The following CCZ1 variants were observed in gnomAD, a reference collection of about 807,000 sequenced individuals.
The protein encoded by CCZ1 is vacuolar fusion protein CCZ1 homolog.
In CCZ1, 19 loss-of-function variants were observed where a neutral mutation model predicts 57.8. The observed-to-expected ratio is 0.33, with a 90% CI of 0.23 to 0.48. The LOEUF is 0.48. CCZ1 is among the 20% of genes least tolerant of loss of function. The pLI, the probability that CCZ1 is intolerant of heterozygous loss-of-function variation, is 0.99. For synonymous variants in CCZ1, 81 were observed against 167.0 expected, an observed-to-expected ratio of 0.49 and a Z score of 3.97; for missense variants, 200 against 492.0, an observed-to-expected ratio of 0.41 and a Z score of 5.61.
At chr7:5,911,302 C>T (rs1781973107) in intron 8 of CCZ1, among the ~76,000 whole-genome samples, 1 of 148,856 alleles carries the variant, frequency 6.7e-6, no homozygotes, top group Admixed American at 6.6e-5. Context: ...ACTCTCTTCG[C>T]TTGTTCGTTC....
intron 8 of CCZ1, 139 bp downstream of exon 8, chr7:5,910,255 A>AT (rs1781939076): frequency 1.4e-6 from 1 of 738,758 alleles, no homozygotes; most frequent in Admixed American, 2.7e-5. Context: ...GTGTCACTGT[A>AT]TATCAATTAG....
At chr7:5,920,246 C>A (rs1361852501) in intron 12 of CCZ1, among the ~76,000 whole-genome samples, 1 of 119,994 alleles carries the variant, frequency 8.3e-6, no homozygotes, top group African/African-American at 3.2e-5. Flanking sequence ...CAGATTGTTA[C>A]GTTCACTTGG....
chr7:5,906,333 T>TC (rs1017575587), intron 7 of CCZ1, among the ~76,000 whole-genome samples: 8 of 144,864 alleles, frequency 5.5e-5, no homozygotes, highest in African/African-American at 2.1e-4. Context: ...CTTTTTTTTT[T>TC]TTTTTTTTGA....
At position 5,900,861 on chromosome 7, in the gene CCZ1, C is replaced by T. The variant is rs765142641; in HGVS notation, c.319C>T (p.Arg107Trp). The change falls in exon 4 of 15, where the codon CGG becomes TGG. Residue 107 changes from arginine to tryptophan, a missense_variant. Physicochemically the swap from Arg to Trp is moderately radical, Grantham distance 101. Coordinates refer to ENST00000325974, the MANE Select transcript of CCZ1 (RefSeq NM_015622.6). ...AGTTTATCAAACTTTGTAGGTTGTTCGGAATCCTATAATTGAAAAACAGAG... is the reference window on the plus strand; with the variant it reads ...AGTTTATCAAACTTTGTAGGTTGTTTGGAATCCTATAATTGAAAAACAGAG... ...EENFWMVMVV[R>W]NPIIEKQSKD... 17 of 1,387,754 alleles carry T rather than the reference C, an allele frequency of 1.2e-5. No homozygotes were observed. Among genetic ancestry groups the T allele is most frequent in the East Asian group, 2.4e-5 (1 of 40,832 alleles). 86.0% of individuals were successfully genotyped at this position (1,387,754 alleles called of 1,614,324 possible).
chr7:5,904,827 T>A (rs1183622134), intron 6 of CCZ1, among the ~76,000 whole-genome samples: 1 of 147,916 alleles, frequency 6.8e-6, no homozygotes, highest in Non-Finnish European at 1.5e-5. Context: ...CAAGACTCTG[T>A]CACAAAAAAA....
intron 7 of CCZ1, among the ~76,000 whole-genome samples, chr7:5,906,588 G>T (rs1251419141): frequency 6.7e-6 from 1 of 148,662 alleles, no homozygotes; most frequent in Admixed American, 6.7e-5. Context: ...CTCCCAAGGT[G>T]CCTCGATTAC....
chr7:5,903,399 A>G lies in CCZ1; in HGVS notation c.522+655A>G, dbSNP rs200811784. On this transcript the variant is annotated intron_variant, in intron 6 of 14. Transcript: ENST00000325974. ...CTCCCAAAGTGCTGGGGTTAAAGGCATGAGCCAACTCGCCCAGCCTAGTTT... is the reference window on the plus strand; with the variant it reads ...CTCCCAAAGTGCTGGGGTTAAAGGCGTGAGCCAACTCGCCCAGCCTAGTTT... 5.9e-4 allele frequency among the ~76,000 whole-genome samples: 86 copies of G among 146,044 alleles called. 6 individuals carry two copies. The highest frequency in any genetic ancestry group is 9.3e-4 in the South Asian group (4 of 4,282).
chr7:5,909,736 T>C (rs1781924168), intron 7 of CCZ1, among the ~76,000 whole-genome samples: 1 of 145,234 alleles, frequency 6.9e-6, no homozygotes, highest in Non-Finnish European at 1.5e-5. Context: ...TAATAAAAAA[T>C]GAGTTTTATC....
intron 7 of CCZ1, among the ~76,000 whole-genome samples, chr7:5,908,852 T>C (rs1485741612): frequency 6.8e-6 from 1 of 147,088 alleles, no homozygotes; most frequent in Non-Finnish European, 1.5e-5. Context: ...CCTGAAAGCT[T>C]GTTTTTCTCC....
rs1430697522 is a variant in CCZ1, at chr7:5,914,883, A to AG, written c.954+1929_954+1930insG. Among the ~76,000 whole-genome samples the AG allele has an allele frequency of 1.6e-5, 2 of 126,016 alleles. 1 individual carries two copies. The highest frequency in any genetic ancestry group is 6.1e-5 in the African/African-American group (2 of 32,578). 82.7% of individuals were successfully genotyped at this position (126,016 alleles called of 152,430 possible). A position where few individuals can be genotyped will look rare whatever the true frequency, so the allele number is the denominator to read the frequency against. On this transcript the variant is annotated intron_variant, in intron 10 of 14. Coordinates refer to ENST00000325974, the MANE Select transcript of CCZ1 (RefSeq NM_015622.6). ...AGAGCAAGACTCTGTCTCAGAAAGA[A>AG]AAAAAAAACACGTTCAACATGAAAA... is the stretch of plus-strand genomic sequence containing the variant.
At chr7:5,903,097 AT>A (rs1275973192) in intron 6 of CCZ1, among the ~76,000 whole-genome samples, 1 of 148,720 alleles carries the variant, frequency 6.7e-6, no homozygotes, top group Non-Finnish European at 1.5e-5. Context: ...AAACTTAATT[AT>A]TGGAGTTGCA....
At chr7:5,912,518 G>A (rs1779060930) in intron 9 of CCZ1, among the ~76,000 whole-genome samples, 2 of 143,630 alleles carry the variant, frequency 1.4e-5, no homozygotes, top group Non-Finnish European at 3.0e-5. Flanking sequence ...CCCTGCCTCA[G>A]CCTCTTGAGT....
At chr7:5,904,088 ATTTTTT>A (rs746657675) in intron 6 of CCZ1, among the ~76,000 whole-genome samples, 1 of 84,478 alleles carries the variant, frequency 1.2e-5, no homozygotes, top group Non-Finnish European at 2.1e-5. Context: ...CAGGGAGTTA[ATTTTTT>A]TTTTTTTTTT....
At chr7:5,916,678 G>A (rs117062389) in intron 10 of CCZ1, among the ~76,000 whole-genome samples, 7,114 of 147,464 alleles carry the variant, frequency 0.048, 217 homozygotes, top group East Asian at 0.25. Context: ...CCTGAGCCTC[G>A]AGATCCAGAG....
At chr7:5,906,567 C>A (rs553733197) in intron 7 of CCZ1, among the ~76,000 whole-genome samples, 1 of 148,746 alleles carries the variant, frequency 6.7e-6, no homozygotes, top group Admixed American at 6.6e-5. Flanking sequence ...AGGTGATTCC[C>A]CTGCATAGGC....
chr7:5,921,181 G>A lies in CCZ1; in HGVS notation c.1106+1215G>A, dbSNP rs1453114542. Among the ~76,000 whole-genome samples, 10 of 130,844 alleles carry A rather than the reference G, an allele frequency of 7.6e-5. 1 individual carries two copies. The highest frequency in any genetic ancestry group is 6.3e-4 in the East Asian group (3 of 4,790). The allele number at this position is 130,844 out of a possible 152,430, so 85.8% of individuals were successfully genotyped here. On this transcript the variant is annotated intron_variant, in intron 12 of 14. Transcript: ENST00000325974. ...CCTGACCTCGTGATCCACCCACTTC[G>A]GCCTCCCAAAGTGCTGGGATGACAG...
At chr7:5,911,510 T>G (rs1470425909) in intron 8 of CCZ1, among the ~76,000 whole-genome samples, 2 of 148,822 alleles carry the variant, frequency 1.3e-5, no homozygotes, top group Non-Finnish European at 3.0e-5. Flanking sequence ...GCCCAGGCTA[T>G]TCTCAAACTC....
Position 5,907,910 on chromosome 7 carries a change from A to C in CCZ1, c.699-2125A>C, listed in dbSNP as rs184680576. Among the ~76,000 whole-genome samples, 37 of 119,180 alleles carry C rather than the reference A, an allele frequency of 3.1e-4. 1 individual carries two copies. The highest frequency in any genetic ancestry group is 1.1e-3 in the African/African-American group (33 of 30,738). 78.2% of individuals were successfully genotyped at this position (119,180 alleles called of 152,430 possible). A position where few individuals can be genotyped will look rare whatever the true frequency, so the allele number is the denominator to read the frequency against. On this transcript the variant is annotated intron_variant, in intron 7 of 14. Coordinates refer to ENST00000325974, the MANE Select transcript of CCZ1 (RefSeq NM_015622.6). ...CCAGGAGTTCAAGACCAGCCTGGGC[A>C]GCATAGTGAGACTGTATCTACAAAA...
intron 10 of CCZ1, among the ~76,000 whole-genome samples, chr7:5,913,858 G>A (rs1361619999): frequency 7.8e-6 from 1 of 127,674 alleles, no homozygotes; most frequent in East Asian, 3.0e-4. Flanking sequence ...GGTGACAATC[G>A]AGGGTCTGTT....
Sources: allele counts gnomAD v4.1 joint callset (sites outside exome capture counted in the v4.1 genomes callset), GRCh38; gene constraint gnomAD v4.1.1; transcripts MANE v1.5; gene names NCBI Gene and HGNC (gene_info 2026-07-23, HGNC 2026-07-21).